The following BCL7C variants were observed in gnomAD, a reference collection of about 807,000 sequenced individuals.
The protein encoded by BCL7C is B-cell CLL/lymphoma 7 protein family member C.
A neutral mutation model predicts 26.2 loss-of-function variants in BCL7C; 8 were observed. The ratio of observed to expected loss-of-function variants is 0.30; its 90% CI spans 0.18 to 0.55. BCL7C has a LOEUF of 0.55. BCL7C is among the 20% of genes least tolerant of loss of function. BCL7C has a pLI of 0.93. For missense variants in BCL7C, 262 were observed against 298.5 expected (o/e 0.88, Z 0.90); for synonymous variants, 90 against 116.5 (o/e 0.77, Z 1.47).
chr16:30,871,371 CCTTG>C (rs368091683), intron 5 of BCL7C, among the ~76,000 whole-genome samples: 1,730 of 152,226 alleles, frequency 0.011, 16 homozygotes, highest in Non-Finnish European at 0.019. Context: ...CTTCTCTGTG[CCTTG>C]CTTTTCTCAT....
At chr16:30,864,164 T>C (rs1011099898) in intron 5 of BCL7C, among the ~76,000 whole-genome samples, 1 of 152,146 alleles carries the variant, frequency 6.6e-6, no homozygotes, top group Non-Finnish European at 1.5e-5. Flanking sequence ...GAGGACTCTG[T>C]ATATTTTTAA....
At chr16:30,890,521 A>T (rs1165660444) in intron 4 of BCL7C, among the ~76,000 whole-genome samples, 1 of 151,992 alleles carries the variant, frequency 6.6e-6, no homozygotes, top group Non-Finnish European at 1.5e-5. Context: ...CATCACCCTT[A>T]TAAGGTTGTA....
chr16:30,871,977 A>T (rs1285821483), intron 5 of BCL7C, among the ~76,000 whole-genome samples: 1 of 152,174 alleles, frequency 6.6e-6, no homozygotes, highest in Non-Finnish European at 1.5e-5. Flanking sequence ...GTTGAACAAG[A>T]GCATGGCAGG....
chr16:30,886,156 T>G (rs1382775760), downstream of BCL7C, among the ~76,000 whole-genome samples: 1 of 152,156 alleles, frequency 6.6e-6, no homozygotes, highest in Non-Finnish European at 1.5e-5. Context: ...TTTTAATGCT[T>G]CTTTAAAGTT....
At position 30,834,808 on chromosome 16, in the gene BCL7C, G is replaced by C; in HGVS notation, c.*140C>G. On this transcript the variant is annotated 3_prime_UTR_variant, in exon 6 of 6. Coordinates refer to the BCL7C transcript ENST00000380317. The surrounding 1 kb of genome is among the most constrained non-coding windows in gnomAD (Gnocchi z 4.3). ...GGTGCTGTGGCCTTAGGTTCGGGCA[G>C]GTGTGGGGCCGCTCGCCCTCCGATG... The C allele has an allele frequency of 1.2e-6, 1 of 820,810 alleles. No homozygotes were observed. Among genetic ancestry groups the C allele is most frequent in the South Asian group, 1.9e-5 (1 of 52,508 alleles). 50.8% of individuals were successfully genotyped at this position (820,810 alleles called of 1,614,324 possible). A position where few individuals can be genotyped will look rare whatever the true frequency, so the allele number is the denominator to read the frequency against.
At chr16:30,872,242 C>A (rs182659021) in intron 5 of BCL7C, among the ~76,000 whole-genome samples, 8 of 152,038 alleles carry the variant, frequency 5.3e-5, no homozygotes, top group African/African-American at 1.4e-4. Flanking sequence ...GAATACCCTG[C>A]GGCTGTGCTC....
Position 30,834,674 on chromosome 16 carries a change from G to C in BCL7C, c.*274C>G, listed in dbSNP as rs1156583668. On this transcript the variant is annotated 3_prime_UTR_variant, in exon 6 of 6. Coordinates refer to the BCL7C transcript ENST00000380317. This position sits in a 1 kb window ranked among gnomAD's most constrained non-coding sequence, Gnocchi z 4.3. ...GTGAGGAGGTGGGCGAGGCAGCCCA[G>C]TGCACCCCTCCCCTAGGCCTCTAGC... 1.3e-5 allele frequency: 4 copies of C among 317,612 alleles called. No individual in the cohort carries two copies. Among genetic ancestry groups the C allele is most frequent in the Non-Finnish European group, 2.3e-5 (4 of 171,740 alleles). 19.7% of individuals were successfully genotyped at this position (317,612 alleles called of 1,614,324 possible).
rs991586937 is a variant in BCL7C at position 30,892,715 on chromosome 16, C to T, written c.313G>A (p.Gly105Ser). ...GGCTCTGTGCCCTTTTGCAGGGAAC[C>T]TTCCGAATGGAAACTCTGGTTGCTG... ...ENSNQSFHSE[G>S]SLQKGTEPSP... The change falls in exon 4 of 6, where the codon GGT becomes AGT. Residue 105 changes from glycine to serine, a missense_variant. Gly to Ser is a moderately conservative substitution (Grantham distance 56). Coordinates refer to ENST00000215115, the MANE Select transcript of BCL7C (RefSeq NM_004765.4). 3.1e-6 allele frequency: 5 copies of T among 1,614,044 alleles called. No homozygotes were observed. Among genetic ancestry groups the T allele is most frequent in the Non-Finnish European group, 4.2e-6 (5 of 1,180,018 alleles).
intron 5 of BCL7C, among the ~76,000 whole-genome samples, chr16:30,855,203 C>A (rs2054709366): frequency 6.6e-6 from 1 of 151,994 alleles, no homozygotes; most frequent in South Asian, 2.1e-4. Flanking sequence ...AGAAGTTTCT[C>A]CACATCTGAT....
chr16:30,866,170 G>A (rs1160259130), intron 5 of BCL7C, among the ~76,000 whole-genome samples: 2 of 152,152 alleles, frequency 1.3e-5, no homozygotes, highest in African/African-American at 4.8e-5. Flanking sequence ...CTTTCAGGGA[G>A]TGATGGAGGA....
intron 5 of BCL7C, among the ~76,000 whole-genome samples, chr16:30,859,367 C>A (rs1268620126): frequency 6.6e-6 from 1 of 152,172 alleles, no homozygotes; most frequent in Non-Finnish European, 1.5e-5. Flanking sequence ...CCTGAAATCC[C>A]AGCACTTTGG....
chr16:30,881,355 C>T (rs929377163), intron 5 of BCL7C, among the ~76,000 whole-genome samples: 16 of 151,590 alleles, frequency 1.1e-4, no homozygotes, highest in African/African-American at 3.9e-4. Context: ...GAGATTGCAC[C>T]TCTGCATTCC....
At chr16:30,842,023 T>C (rs1186459491) in intron 5 of BCL7C, among the ~76,000 whole-genome samples, 6 of 148,194 alleles carry the variant, frequency 4.0e-5, no homozygotes, top group Admixed American at 4.0e-4. Flanking sequence ...CCTGACCCCT[T>C]CTTCCAAATA....
At chr16:30,884,748 C>G (rs1327969123), downstream of BCL7C, among the ~76,000 whole-genome samples, 1 of 152,116 alleles carries the variant, frequency 6.6e-6, no homozygotes, top group East Asian at 1.9e-4. Flanking sequence ...CCAACCACCT[C>G]AGCCTCCCAA....
At chr16:30,877,547 C>T (rs1296515624) in intron 5 of BCL7C, among the ~76,000 whole-genome samples, 1 of 151,842 alleles carries the variant, frequency 6.6e-6, no homozygotes, top group African/African-American at 2.4e-5. Context: ...TCAGGCCATT[C>T]TCCTGCCTCA....
rs1306383442 is a variant in BCL7C, at chr16:30,834,374, A to T, written c.*574T>A. ...GAGGTCTCCCAGCGCTGGCATACAT[A>T]AGCCCTGGCGTGCGGGGCGGCTTCT... On this transcript the variant is annotated 3_prime_UTR_variant, in exon 6 of 6. Transcript: ENST00000380317. This position sits in a 1 kb window ranked among gnomAD's most constrained non-coding sequence, Gnocchi z 4.3. The T allele has an allele frequency of 6.6e-6, 1 of 152,254 alleles. No homozygotes were observed. Among genetic ancestry groups the T allele is most frequent in the Non-Finnish European group, 1.5e-5 (1 of 68,066 alleles). The allele number at this position is 152,254 out of a possible 1,614,324, so 9.4% of individuals were successfully genotyped here.
rs1253164291 is a variant in BCL7C, at chr16:30,834,169, T to C, written c.*779A>G. 6.6e-6 allele frequency: 1 copy of C among 152,204 alleles called. No homozygotes were observed. Among genetic ancestry groups the C allele is most frequent in the East Asian group, 1.9e-4 (1 of 5,190 alleles). The allele number at this position is 152,204 out of a possible 1,614,324, so 9.4% of individuals were successfully genotyped here. On this transcript the variant is annotated 3_prime_UTR_variant, in exon 6 of 6. Transcript: ENST00000380317. This position sits in a 1 kb window ranked among gnomAD's most constrained non-coding sequence, Gnocchi z 4.3. ...ACCCAAAAGGCTCACTCGCGCTGCT[T>C]CTCGGGCTAGGATTTTCCAGGTAGG...
intron 5 of BCL7C, among the ~76,000 whole-genome samples, chr16:30,865,725 T>A (rs998055386): frequency 8.7e-6 from 1 of 115,096 alleles, no homozygotes; most frequent in Admixed American, 1.1e-4. Context: ...GGCTTTTTTT[T>A]TCTTTTTTTT....
At chr16:30,890,752 G>A (rs2055214245) in intron 4 of BCL7C, among the ~76,000 whole-genome samples, 1 of 152,086 alleles carries the variant, frequency 6.6e-6, no homozygotes, top group African/African-American at 2.4e-5. Context: ...TTGGGAGGCT[G>A]AGGCAGGCGG....
Sources: allele counts gnomAD v4.1 joint callset (sites outside exome capture counted in the v4.1 genomes callset), GRCh38; gene constraint gnomAD v4.1.1; non-coding constraint Gnocchi (gnomAD v3.1); transcripts MANE v1.5; gene names NCBI Gene and HGNC (gene_info 2026-07-23, HGNC 2026-07-21).